Variants in ALG9 observed in about 807,000 individuals in gnomAD.
ALG9 encodes the protein ALG9 alpha-1,2-mannosyltransferase.
In ALG9, 55 loss-of-function variants were observed where a neutral mutation model predicts 81.8. The ratio of observed to expected loss-of-function variants is 0.67; its 90% CI spans 0.54 to 0.84. The LOEUF is 0.84. ALG9 is among the 40% of genes least tolerant of loss of function. ALG9 has a pLI of 0.00. For missense variants in ALG9, 629 were observed against 745.0 expected (o/e 0.84, Z 1.81); for synonymous variants, 278 against 274.3 (o/e 1.01, Z -0.13).
At chr11:111,842,354 C>T (rs1196493504) in intron 9 of ALG9, among the ~76,000 whole-genome samples, 2 of 151,990 alleles carry the variant, frequency 1.3e-5, no homozygotes, top group South Asian at 4.1e-4. Context: ...AAATCACAAC[C>T]ACAGCTAGAT....
In ALG9 at chr11:111,813,515, C is replaced by T. The variant is rs547828744; in HGVS notation, c.1603-3742G>A. Among the ~76,000 whole-genome samples the T allele has an allele frequency of 1.5e-4, 23 of 152,176 alleles. No individual in the cohort carries two copies. In the East Asian group the frequency reaches 4.4e-3, roughly 29 times the overall value. ...TACTTGGGAGGCTGGGGCAGGAAGA[C>T]TGCTTGAGCCCAGGAGGTAGAGGTT... On this transcript the variant is annotated intron_variant, in intron 13 of 14. Coordinates refer to ENST00000616540, the MANE Select transcript of ALG9 (RefSeq NM_024740.2).
the ALG9 span, among the ~76,000 whole-genome samples, chr11:111,770,377 A>G: frequency 6.6e-6 from 1 of 152,218 alleles, no homozygotes; most frequent in African/African-American, 2.4e-5. Context: ...CTGCTCAGGT[A>G]GAGTCTGAAA....
At position 111,783,385 on chromosome 11, in the gene ALG9, G is replaced by C. The variant is rs1215731716; in HGVS notation, c.*3012C>G. On this transcript the variant is annotated 3_prime_UTR_variant, in exon 15 of 15. Coordinates refer to ENST00000616540, the MANE Select transcript of ALG9 (RefSeq NM_024740.2). ...AAGCAGGAGAATTGCTTGAACCCGG[G>C]AGACAGAGGTTGCAGTGAGCTGAGG... 6.6e-6 allele frequency: 1 copy of C among 152,334 alleles called. No homozygotes were observed. The highest frequency in any genetic ancestry group is 2.4e-5 in the African/African-American group (1 of 41,390). The allele number at this position is 152,334 out of a possible 1,614,324, so 9.4% of individuals were successfully genotyped here. A position where few individuals can be genotyped will look rare whatever the true frequency, so the allele number is the denominator to read the frequency against.
At chr11:111,813,673 A>G (rs1951066229) in intron 13 of ALG9, among the ~76,000 whole-genome samples, 1 of 152,174 alleles carries the variant, frequency 6.6e-6, no homozygotes, top group Non-Finnish European at 1.5e-5. Flanking sequence ...AAGACAAACC[A>G]CCCAAAAGAA....
Position 111,784,194 on chromosome 11 carries a change from G to C in ALG9, c.*2203C>G, listed in dbSNP as rs1946232036. The C allele has an allele frequency of 6.6e-6, 1 of 152,262 alleles. No homozygotes were observed. The highest frequency in any genetic ancestry group is 2.4e-5 in the African/African-American group (1 of 41,460). The allele number at this position is 152,262 out of a possible 1,614,324, so 9.4% of individuals were successfully genotyped here. On this transcript the variant is annotated 3_prime_UTR_variant, in exon 15 of 15. Coordinates refer to ENST00000616540, the MANE Select transcript of ALG9 (RefSeq NM_024740.2). ...ATCAAGAATTGAGAATTAAATGCCA[G>C]AGATCTTTCAAGCAAGGGGGAGCCC...
At chr11:111,856,290 A>G (rs1414670065) in intron 6 of ALG9, among the ~76,000 whole-genome samples, 2 of 147,468 alleles carry the variant, frequency 1.4e-5, no homozygotes, top group Non-Finnish European at 3.0e-5. Context: ...AAAAAAAAAA[A>G]AAAAAAGAAA....
chr11:111,850,584 G>T (rs1240011188), intron 8 of ALG9, among the ~76,000 whole-genome samples: 1 of 151,752 alleles, frequency 6.6e-6, no homozygotes, highest in Non-Finnish European at 1.5e-5. Context: ...ATGGGTGCCT[G>T]TAATCCCAGC....
chr11:111,781,608 T>C (rs1054482596), downstream of ALG9, among the ~76,000 whole-genome samples: 1 of 152,128 alleles, frequency 6.6e-6, no homozygotes, highest in Non-Finnish European at 1.5e-5. Flanking sequence ...TTAGGTACAA[T>C]GTTCATGTAT....
At chr11:111,820,864 G>T (rs1310397817) in intron 13 of ALG9, among the ~76,000 whole-genome samples, 3 of 48 alleles carry the variant, frequency 0.062, no homozygotes, top group African/African-American at 0.17. Flanking sequence ...ATCACTTAAG[G>T]CCAGGGTTCA....
intron 3 of ALG9, among the ~76,000 whole-genome samples, chr11:111,866,175 T>C (rs891527012): frequency 4.6e-5 from 7 of 152,112 alleles, no homozygotes; most frequent in Admixed American, 2.6e-4. Context: ...CGGGCAACTG[T>C]AACCCCAGCT....
chr11:111,834,397 T>C (rs946447703), intron 13 of ALG9, among the ~76,000 whole-genome samples: 2 of 151,978 alleles, frequency 1.3e-5, no homozygotes, highest in East Asian at 1.9e-4. Flanking sequence ...AGGGGAGAGA[T>C]TGGGTTTCTT....
chr11:111,837,430 C>T (rs937168749), intron 12 of ALG9, 38 bp downstream of exon 12: 9 of 1,612,112 alleles, frequency 5.6e-6, no homozygotes, highest in Non-Finnish European at 7.6e-6. Context: ...TCTATTTACT[C>T]CTTCATTTAA....
At chr11:111,822,482 T>C (rs1592071263) in intron 13 of ALG9, among the ~76,000 whole-genome samples, 1 of 141,992 alleles carries the variant, frequency 7.0e-6, no homozygotes, top group Non-Finnish European at 1.5e-5. Context: ...GAGGCCAAGG[T>C]GGGCAGACTG....
chr11:111,867,367 C>T (rs1042365039), intron 3 of ALG9, among the ~76,000 whole-genome samples: 1 of 152,062 alleles, frequency 6.6e-6, no homozygotes, highest in Non-Finnish European at 1.5e-5. Flanking sequence ...CGATAGATTC[C>T]AACACCAAGA....
chr11:111,865,815 A>G (rs1962199063), intron 3 of ALG9, among the ~76,000 whole-genome samples: 2 of 152,196 alleles, frequency 1.3e-5, no homozygotes, highest in South Asian at 4.1e-4. Context: ...GCAACCTGGT[A>G]GATTTAGATG....
chr11:111,796,807 C>T lies in ALG9; in HGVS notation c.1734-10287G>A, dbSNP rs1422857028. On this transcript the variant is annotated intron_variant, in intron 14 of 14. Coordinates refer to ENST00000616540, the MANE Select transcript of ALG9 (RefSeq NM_024740.2). ...TTGGCATCGCTGAGGAAGCTAAGGG[C>T]ACCACCATGATTGACATACAGGGAA... is the stretch of plus-strand genomic sequence containing the variant. 2.0e-5 allele frequency among the ~76,000 whole-genome samples: 3 copies of T among 152,168 alleles called. No individual in the cohort carries two copies. The East Asian group carries it at 5.8e-4, about 29-fold the overall frequency.
At chr11:111,860,500 C>G (rs913894076) in intron 5 of ALG9, 47 bp downstream of exon 5, 44 of 1,524,984 alleles carry the variant, frequency 2.9e-5, no homozygotes, top group Non-Finnish European at 3.6e-5. Context: ...TGCCCTTTTA[C>G]TTACCTGGTG....
chr11:111,777,241 T>G (rs1213599073), downstream of ALG9, among the ~76,000 whole-genome samples: 1 of 152,180 alleles, frequency 6.6e-6, no homozygotes, highest in East Asian at 1.9e-4. Context: ...CCTCGACCAG[T>G]AGGGAGTCAC....
chr11:111,820,916 G>A (rs1450965927), intron 13 of ALG9, among the ~76,000 whole-genome samples: 6 of 102,582 alleles, frequency 5.8e-5, no homozygotes, highest in Admixed American at 1.1e-4. Context: ...CTCCAAACAC[G>A]CGCGCACACA....
Sources: allele counts gnomAD v4.1 joint callset (sites outside exome capture counted in the v4.1 genomes callset), GRCh38; gene constraint gnomAD v4.1.1; transcripts MANE v1.5; gene names NCBI Gene and HGNC (gene_info 2026-07-23, HGNC 2026-07-21).